The following SEMA5B variants were observed in gnomAD, a reference collection of about 807,000 sequenced individuals.
SEMA5B encodes the protein semaphorin-5B.
SEMA5B carries 66 observed loss-of-function variants against 135.0 expected under a neutral mutation model. The ratio of observed to expected loss-of-function variants is 0.49; its 90% CI spans 0.40 to 0.60. SEMA5B has a LOEUF of 0.60. SEMA5B is among the 20% of genes least tolerant of loss of function. The pLI is 0.00. For synonymous variants in SEMA5B, 690 were observed against 639.5 expected (o/e 1.08, Z -1.19); for missense variants, 1,501 against 1,566.3 (o/e 0.96, Z 0.70).
intron 2 of SEMA5B, among the ~76,000 whole-genome samples, chr3:122,959,957 A>G (rs1940501918): frequency 6.6e-6 from 1 of 152,234 alleles, no homozygotes; most frequent in Non-Finnish European, 1.5e-5. Context: ...TTAAATGCTA[A>G]GGATGTCGCC....
chr3:122,934,142 G>C (rs939987132), intron 5 of SEMA5B, among the ~76,000 whole-genome samples: 3 of 150,840 alleles, frequency 2.0e-5, no homozygotes, highest in African/African-American at 7.3e-5. Flanking sequence ...CCTGGTCTCA[G>C]GTGATCCACC....
chr3:122,921,979 C>A lies in SEMA5B; in HGVS notation c.1624G>T (p.Val542Leu), dbSNP rs916074664. The change falls in exon 12 of 23, where the codon GTG becomes TTG. Residue 542 changes from valine (V) to leucine (L), a missense_variant. Physicochemically the swap from Val to Leu is conservative, Grantham distance 32. Around this residue, in one of 2 missense-constraint regions of SEMA5B, gnomAD observed 927 missense variants for 881.6 expected, o/e 1.05. Transcript: ENST00000357599. The stretch of plus-strand genomic sequence containing the variant: ...CGCAGGACGCCGTCTCTCAGCCCCA[C>A]GAAGAGCGCGCGGGCGCTGTGCAGG... ...RILHSARALF[V>L]GLRDGVLRVP... 9.8e-6 allele frequency: 15 copies of A among 1,535,468 alleles called. No individual in the cohort carries two copies. Among genetic ancestry groups the A allele is most frequent in the African/African-American group, 1.4e-5 (1 of 72,688 alleles).
chr3:122,912,922 G>A lies in SEMA5B; in HGVS notation c.2646C>T (p.Asn882=), dbSNP rs1937818638. The A allele has an allele frequency of 1.9e-6, 3 of 1,612,306 alleles. No homozygotes were observed. The highest frequency in any genetic ancestry group is 1.3e-5 in the African/African-American group (1 of 74,824). Residue 882 remains asparagine (N), a synonymous_variant, in exon 18 of 23, where the codon AAC becomes AAT. Transcript: ENST00000357599. ...GCAGGCCCCCGTTGCGGGGCTCCGG[G>A]TTAGTGCACGTTCTCTTGCGGACGC... ...GFRVRKRTCT[N]PEPRNGGLPC...
At chr3:122,959,633 T>C (rs1940486932) in intron 2 of SEMA5B, among the ~76,000 whole-genome samples, 1 of 152,128 alleles carries the variant, frequency 6.6e-6, no homozygotes, top group African/African-American at 2.4e-5. Flanking sequence ...AGTGTGAACA[T>C]CGTGAGGGCA....
At chr3:122,923,501 C>T in intron 10 of SEMA5B, 116 bp downstream of exon 10, 3 of 1,166,362 alleles carry the variant, frequency 2.6e-6, no homozygotes, top group Non-Finnish European at 1.2e-6. Flanking sequence ...TGGGCATGGA[C>T]TGGCAGGGAC....
intron 1 of SEMA5B, among the ~76,000 whole-genome samples, chr3:122,973,192 G>T (rs57177489): frequency 0.16 from 23,938 of 152,164 alleles, 1,990 homozygotes; most frequent in African/African-American, 0.21. Context: ...TATCATCCCA[G>T]TCTGAGCCCC....
At position 122,992,373 on chromosome 3, in the gene SEMA5B, G is replaced by C. The variant is rs936321889; in HGVS notation, c.-38-31072C>G. Among the ~76,000 whole-genome samples the C allele has an allele frequency of 9.8e-5, 15 of 152,302 alleles. No homozygotes were observed. The East Asian group carries it at 1.2e-3, about 12-fold the overall frequency. On this transcript the variant is annotated intron_variant, in intron 1 of 22. Transcript: ENST00000357599. ...AAGCCACATGGCCAGGGAAAGGAAA[G>C]GGCAGATCTCACTCTGCATTCTGTG...
chr3:122,967,107 AC>A (rs1226806784), intron 1 of SEMA5B, among the ~76,000 whole-genome samples: 1 of 137,050 alleles, frequency 7.3e-6, no homozygotes, highest in East Asian at 2.2e-4. Flanking sequence ...CTGATCTTGA[AC>A]CCCCGACCTC....
At chr3:122,960,199 G>A (rs1319563197) in intron 2 of SEMA5B, among the ~76,000 whole-genome samples, 1 of 152,168 alleles carries the variant, frequency 6.6e-6, no homozygotes, top group African/African-American at 2.4e-5. Context: ...AATCTTTGTG[G>A]GGAGGGCCCA....
intron 1 of SEMA5B, among the ~76,000 whole-genome samples, chr3:123,008,902 C>T (rs1942374494): frequency 6.6e-6 from 1 of 152,118 alleles, no homozygotes; most frequent in African/African-American, 2.4e-5. Context: ...GGGGCTGCAG[C>T]TGCCCAGGGC....
At chr3:122,952,415 A>G (rs1412209225) in intron 2 of SEMA5B, among the ~76,000 whole-genome samples, 1 of 152,230 alleles carries the variant, frequency 6.6e-6, no homozygotes, top group South Asian at 2.1e-4. Context: ...CCCGAGGCCC[A>G]GTCCTAGTCC....
intron 1 of SEMA5B, among the ~76,000 whole-genome samples, chr3:122,970,465 T>C (rs1419454053): frequency 6.6e-6 from 1 of 152,188 alleles, no homozygotes; most frequent in Non-Finnish European, 1.5e-5. Flanking sequence ...TCCCAGGTGA[T>C]GCTTACGGTC....
intron 1 of SEMA5B, among the ~76,000 whole-genome samples, chr3:122,993,752 C>T (rs1381362278): frequency 6.6e-6 from 1 of 151,650 alleles, no homozygotes; most frequent in East Asian, 1.9e-4. Context: ...TTGCCACCCG[C>T]TCTGGGAGGG....
chr3:123,017,234 C>T (rs1290127002), intron 1 of SEMA5B, among the ~76,000 whole-genome samples: 2 of 152,014 alleles, frequency 1.3e-5, no homozygotes, highest in East Asian at 1.9e-4. Context: ...TGGTTGAATC[C>T]TCACATGGAT....
intron 5 of SEMA5B, among the ~76,000 whole-genome samples, chr3:122,936,680 C>G (rs538405427): frequency 1.3e-5 from 2 of 152,200 alleles, no homozygotes; most frequent in Admixed American, 6.5e-5. Flanking sequence ...CTCAGCAGCC[C>G]GGGGATGCTG....
At position 122,909,959 on chromosome 3, in the gene SEMA5B, C is replaced by G. The variant is rs1017292403; in HGVS notation, c.*184G>C. 21 of 627,294 alleles carry G rather than the reference C, an allele frequency of 3.3e-5. No individual in the cohort carries two copies. The African/African-American group carries it at 3.9e-4, about 12-fold the overall frequency. 38.9% of individuals were successfully genotyped at this position (627,294 alleles called of 1,614,324 possible). On this transcript the variant is annotated 3_prime_UTR_variant, in exon 23 of 23. Coordinates refer to ENST00000357599, the MANE Select transcript of SEMA5B (RefSeq NM_001031702.4). ...CTGCGGCCATATGTCAGCCTGAAAC[C>G]AGCCCTTTCCCCCATGGTCAATGCC... is the stretch of plus-strand genomic sequence containing the variant.
At chr3:123,004,103 G>A (rs1942248323) in intron 1 of SEMA5B, among the ~76,000 whole-genome samples, 1 of 152,166 alleles carries the variant, frequency 6.6e-6, no homozygotes, top group Non-Finnish European at 1.5e-5. Context: ...AACCTGTCAA[G>A]GCCATCCCCT....
rs1246694244 is a variant in SEMA5B, at chr3:122,912,856, G to C, written c.2712C>G (p.Pro904=). The C allele has an allele frequency of 1.9e-6, 3 of 1,587,650 alleles. No homozygotes were observed. Among genetic ancestry groups the C allele is most frequent in the Non-Finnish European group, 2.6e-6 (3 of 1,165,288 alleles). Residue 904 remains proline (P), a synonymous_variant, in exon 18 of 23, where the codon CCC becomes CCG. Coordinates refer to ENST00000357599, the MANE Select transcript of SEMA5B (RefSeq NM_001031702.4). ...GDAAEYQDCN[P]QACPVRGAWS... is the part of the protein sequence containing the mutation. ...GTGCAGGGTTACCTGGGCAAGCCTG[G>C]GGGTTGCAGTCCTGGTACTCGGCAG...
intron 5 of SEMA5B, among the ~76,000 whole-genome samples, 155 bp from the exon 6 acceptor site, chr3:122,929,213 A>G (rs1331453292): frequency 1.3e-5 from 2 of 152,128 alleles, no homozygotes; most frequent in African/African-American, 4.8e-5. Context: ...CTACATCCAC[A>G]TGGACGTGGG....
Sources: allele counts gnomAD v4.1 joint callset (sites outside exome capture counted in the v4.1 genomes callset), GRCh38; gene constraint gnomAD v4.1.1; regional missense constraint gnomAD v4.1.1; transcripts MANE v1.5; gene names NCBI Gene and HGNC (gene_info 2026-07-23, HGNC 2026-07-21).